Variants in AGAP1 observed in about 807,000 individuals in gnomAD.
The protein encoded by AGAP1 is ArfGAP with GTPase domain, ankyrin repeat and PH domain 1, also known as arf-GAP with GTPase, ANK repeat and PH domain-containing protein 1.
AGAP1 carries 29 observed loss-of-function variants against 105.3 expected under a neutral mutation model. The observed-to-expected ratio is 0.28, with a 90% confidence interval of 0.21 to 0.38. AGAP1 has a LOEUF of 0.38. Among genes scored for constraint, AGAP1 ranks in the 10% least tolerant of loss-of-function variants. The pLI is 1.00. For missense variants in AGAP1, 998 were observed against 1,165.1 expected (o/e 0.86, Z 2.09); for synonymous variants, 509 against 485.9 (o/e 1.05, Z -0.63).
chr2:235,892,171 T>G (rs2124920232), intron 10 of AGAP1, among the ~76,000 whole-genome samples: 1 of 152,004 alleles, frequency 6.6e-6, no homozygotes, highest in Admixed American at 6.5e-5. Flanking sequence ...AAAAAAGTCC[T>G]TCTTAGATTC....
intron 1 of AGAP1, among the ~76,000 whole-genome samples, chr2:235,531,023 C>G (rs1943025868): frequency 6.6e-6 from 1 of 152,188 alleles, no homozygotes; most frequent in South Asian, 2.1e-4. Context: ...CCACAGACTT[C>G]CACTTCAGTT....
chr2:235,676,354 GTTGTA>G (rs1189114099), intron 1 of AGAP1, among the ~76,000 whole-genome samples: 4 of 152,224 alleles, frequency 2.6e-5, no homozygotes, highest in Non-Finnish European at 5.9e-5. Context: ...GTACTGCAGA[GTTGTA>G]GACACTGTGC....
At chr2:235,613,498 A>G (rs940739904) in intron 1 of AGAP1, among the ~76,000 whole-genome samples, 1 of 152,168 alleles carries the variant, frequency 6.6e-6, no homozygotes, top group Non-Finnish European at 1.5e-5. Context: ...TTGAGCAGAA[A>G]CTGTGGATTC....
chr2:235,735,406 A>G (rs1952190778), intron 3 of AGAP1, among the ~76,000 whole-genome samples: 1 of 152,208 alleles, frequency 6.6e-6, no homozygotes, highest in Non-Finnish European at 1.5e-5. Flanking sequence ...TGTAGACTGC[A>G]CTTGTGTTCA....
intron 1 of AGAP1, among the ~76,000 whole-genome samples, chr2:235,571,978 A>ATATG (rs1944537729): frequency 9.9e-6 from 1 of 100,856 alleles, no homozygotes; most frequent in African/African-American, 5.4e-5. Flanking sequence ...ATATGTATAC[A>ATATG]CACACACACA....
intron 9 of AGAP1, among the ~76,000 whole-genome samples, chr2:235,823,178 A>G (rs1449956310): frequency 1.3e-5 from 2 of 151,804 alleles, no homozygotes; most frequent in Admixed American, 1.3e-4. Context: ...AAATTTATGT[A>G]ACATATTAAC....
At chr2:235,822,969 T>G (rs1481398117) in intron 9 of AGAP1, among the ~76,000 whole-genome samples, 1 of 152,176 alleles carries the variant, frequency 6.6e-6, no homozygotes, top group Non-Finnish European at 1.5e-5. Flanking sequence ...CAAGTGCTAC[T>G]GTGATCCAGG....
chr2:235,728,633 C>T lies in AGAP1; in HGVS notation c.310+10989C>T, dbSNP rs879331004. ...GTGGTCTGTTCTTGTTGTATGAGGG[C>T]AGCCCATGTCGCCAGCATTTATTTT... On this transcript the variant is annotated intron_variant, in intron 3 of 17. Transcript: ENST00000304032. This position sits in a 1 kb window ranked among gnomAD's most constrained non-coding sequence, Gnocchi z 4.3. Among the ~76,000 whole-genome samples, 7 of 152,058 alleles carry T rather than the reference C, an allele frequency of 4.6e-5. No homozygotes were observed. The highest frequency in any genetic ancestry group is 8.8e-5 in the Non-Finnish European group (6 of 68,010).
chr2:235,968,351 G>T, intron 12 of AGAP1, 111 bp from the exon 13 acceptor site: 1 of 1,350,060 alleles, frequency 7.4e-7, no homozygotes, highest in East Asian at 2.6e-5. Flanking sequence ...TTATTTGCAG[G>T]GCCTGTGTGG....
At chr2:235,938,654 T>TA (rs1427063340) in intron 12 of AGAP1, among the ~76,000 whole-genome samples, 3 of 152,196 alleles carry the variant, frequency 2.0e-5, no homozygotes, top group African/African-American at 4.8e-5. Context: ...TGTCAAGACT[T>TA]ACATTCTGCA....
chr2:235,862,714 T>C (rs1200040254), intron 9 of AGAP1, among the ~76,000 whole-genome samples: 1 of 152,234 alleles, frequency 6.6e-6, no homozygotes, highest in African/African-American at 2.4e-5. Context: ...ATTTCTCCAG[T>C]AGAACCTCTA....
chr2:235,942,371 C>T (rs950530811), intron 12 of AGAP1, among the ~76,000 whole-genome samples: 14 of 152,204 alleles, frequency 9.2e-5, no homozygotes, highest in African/African-American at 3.4e-4. Context: ...CTCAAGGCAA[C>T]AATGTGTCAT....
chr2:235,945,139 T>C (rs2053428452), intron 12 of AGAP1, among the ~76,000 whole-genome samples: 2 of 152,372 alleles, frequency 1.3e-5, no homozygotes, highest in Non-Finnish European at 2.9e-5. Flanking sequence ...CTCGCTCTTT[T>C]GCCCAGGCTG....
rs1433844417 is a variant in AGAP1, at chr2:235,904,972, TA to T, written c.1156-3765del. On this transcript the variant is annotated intron_variant, in intron 10 of 17. Coordinates refer to ENST00000304032, the MANE Select transcript of AGAP1 (RefSeq NM_001037131.3). This position sits in a 1 kb window ranked among gnomAD's most constrained non-coding sequence, Gnocchi z 4.2. The stretch of plus-strand genomic sequence containing the variant: ...GGCTATTTTAAATACCGATTTTATT[TA>T]TTTTTTTTTTTTAGAGCTAGTTCTT... Among the ~76,000 whole-genome samples the T allele has an allele frequency of 3.3e-5, 5 of 152,168 alleles. No individual in the cohort carries two copies. The highest frequency in any genetic ancestry group is 5.9e-5 in the Non-Finnish European group (4 of 68,032).
In AGAP1 at chr2:235,724,999, G is replaced by A. The variant is rs960305337; in HGVS notation, c.310+7355G>A. Among the ~76,000 whole-genome samples, 11 of 152,312 alleles carry A rather than the reference G, an allele frequency of 7.2e-5. No homozygotes were observed. The highest frequency in any genetic ancestry group is 2.4e-4 in the African/African-American group (10 of 41,580). On this transcript the variant is annotated intron_variant, in intron 3 of 17. Transcript: ENST00000304032. The surrounding 1 kb of genome is among the most constrained non-coding windows in gnomAD (Gnocchi z 4.9). The stretch of plus-strand genomic sequence containing the variant: ...CCGCTTCACCTCCTGGAGAAAGGAC[G>A]TCTCGTTTCCAGCATGTCGGGGGTC...
rs778474325 is a variant in AGAP1 at position 236,044,122 on chromosome 2, AATTT to A, written c.1891+3282_1891+3285del. ...TATAAAGGGATTCTGAGAGCCAGTG[AATTT>A]GGGAAACTCTTAACAACGTCCGACT... On this transcript the variant is annotated intron_variant, in intron 15 of 17. Transcript: ENST00000304032. The surrounding 1 kb of genome is among the most constrained non-coding windows in gnomAD (Gnocchi z 5.7). Among the ~76,000 whole-genome samples, 1,654 of 123,780 alleles carry A rather than the reference AATTT, an allele frequency of 0.013. 11 individuals carry two copies. The highest frequency in any genetic ancestry group is 0.021 in the Non-Finnish European group (1,092 of 51,238). The allele number at this position is 123,780 out of a possible 152,430, so 81.2% of individuals were successfully genotyped here.
In AGAP1 at chr2:236,109,304, G is replaced by A. The variant is rs955765146; in HGVS notation, c.2115-10888G>A. Among the ~76,000 whole-genome samples, 2 of 152,080 alleles carry A rather than the reference G, an allele frequency of 1.3e-5. No homozygotes were observed. The highest frequency in any genetic ancestry group is 2.9e-5 in the Non-Finnish European group (2 of 68,020). ...CCGCCCTGCCGAGCACCTCATTCCCGGGCAGCACTTCTGTTTTGGGTACTG... is the reference window on the plus strand; with the variant it reads ...CCGCCCTGCCGAGCACCTCATTCCCAGGCAGCACTTCTGTTTTGGGTACTG... On this transcript the variant is annotated intron_variant, in intron 16 of 17. Coordinates refer to ENST00000304032, the MANE Select transcript of AGAP1 (RefSeq NM_001037131.3). This position sits in a 1 kb window ranked among gnomAD's most constrained non-coding sequence, Gnocchi z 5.4.
At position 235,686,913 on chromosome 2, in the gene AGAP1, C is replaced by T. The variant is rs905827297; in HGVS notation, c.164-22266C>T. On this transcript the variant is annotated intron_variant, in intron 1 of 17. Coordinates refer to ENST00000304032, the MANE Select transcript of AGAP1 (RefSeq NM_001037131.3). ...CCTTGAGCTTAAGTGAACCTCCTGT[C>T]TCTGCCTCCCAAATGTTGGGATTAT... Among the ~76,000 whole-genome samples the T allele has an allele frequency of 4.6e-5, 7 of 150,778 alleles. No homozygotes were observed. The Admixed American group carries it at 4.6e-4, about 10-fold the overall frequency.
At chr2:235,907,221 C>G (rs1458391179) in intron 10 of AGAP1, among the ~76,000 whole-genome samples, 1 of 152,238 alleles carries the variant, frequency 6.6e-6, no homozygotes, top group Non-Finnish European at 1.5e-5. Flanking sequence ...CATCGGGTAA[C>G]TGCCATTGGG....
Sources: gnomAD v4.1 joint callset for allele counts (sites outside exome capture counted in the v4.1 genomes callset) on GRCh38, gnomAD v4.1.1 for gene constraint, Gnocchi (gnomAD v3.1) non-coding constraint, MANE v1.5 for transcripts, NCBI Gene and HGNC (gene_info 2026-07-23, HGNC 2026-07-21) for gene names.